The following CRB1 variants were observed in gnomAD, a reference collection of about 807,000 sequenced individuals.
CRB1 encodes the protein crumbs cell polarity complex component 1.
Under a neutral mutation model 120.0 loss-of-function variants are expected in CRB1, and 83 were observed. The ratio of observed to expected loss-of-function variants is 0.69; its 90% confidence interval spans 0.58 to 0.83. The LOEUF is 0.83. Ranked by LOEUF, CRB1 falls within the 40% of genes least tolerant of loss-of-function variation. CRB1 has a pLI of 0.00. For synonymous variants in CRB1, 625 were observed against 612.5 expected (o/e 1.02, Z -0.30); for missense variants, 1,699 against 1,687.6 (o/e 1.01, Z -0.12).
At chr1:197,455,332 A>G (rs966957779) in intron 11 of CRB1, among the ~76,000 whole-genome samples, 5 of 152,002 alleles carry the variant, frequency 3.3e-5, no homozygotes, top group South Asian at 4.1e-4. Context: ...TTAGTTACCA[A>G]TTTTCTTGAA....
intron 5 of CRB1, among the ~76,000 whole-genome samples, chr1:197,371,748 G>A (rs571362330): frequency 6.6e-6 from 1 of 152,220 alleles, no homozygotes; most frequent in African/African-American, 2.4e-5. Context: ...GTACTGCACA[G>A]ACAGATTTTT....
At chr1:197,460,716 T>C (rs1048627889) in intron 11 of CRB1, among the ~76,000 whole-genome samples, 1 of 152,184 alleles carries the variant, frequency 6.6e-6, no homozygotes, top group African/African-American at 2.4e-5. Context: ...ATAATTTTGG[T>C]TTTCTGTTTC....
At chr1:197,310,498 A>G (rs1221192134) in intron 1 of CRB1, among the ~76,000 whole-genome samples, 1 of 152,198 alleles carries the variant, frequency 6.6e-6, no homozygotes, top group Non-Finnish European at 1.5e-5. Context: ...AGATCTGTGT[A>G]ATTAATTAGC....
intron 5 of CRB1, among the ~76,000 whole-genome samples, chr1:197,406,922 T>A (rs942876056): frequency 6.6e-6 from 1 of 152,234 alleles, no homozygotes; most frequent in African/African-American, 2.4e-5. Flanking sequence ...CATTTCACCA[T>A]GAACAAAGTT....
upstream of CRB1, among the ~76,000 whole-genome samples, chr1:197,263,331 T>C (rs1397448797): frequency 6.6e-6 from 1 of 152,236 alleles, no homozygotes; most frequent in African/African-American, 2.4e-5. Flanking sequence ...ATGTCTTCTT[T>C]TGAGAAGTGT....
At chr1:197,424,713 C>T (rs1664497202) in intron 6 of CRB1, among the ~76,000 whole-genome samples, 1 of 152,182 alleles carries the variant, frequency 6.6e-6, no homozygotes, top group Non-Finnish European at 1.5e-5. Flanking sequence ...CCACATAGTC[C>T]TGTTTCTCCC....
chr1:197,301,325 C>T (rs559463663), intron 1 of CRB1, among the ~76,000 whole-genome samples: 8 of 152,074 alleles, frequency 5.3e-5, no homozygotes, highest in Admixed American at 2.6e-4. Context: ...GCCACCATAC[C>T]CGGCTAATTT....
chr1:197,473,508 G>A (rs957639568), intron 11 of CRB1, among the ~76,000 whole-genome samples: 5 of 151,900 alleles, frequency 3.3e-5, no homozygotes, highest in African/African-American at 4.8e-5. Flanking sequence ...TTATTCTGCA[G>A]ATATGGAGTT....
At chr1:197,346,124 A>G (rs931434422) in intron 3 of CRB1, among the ~76,000 whole-genome samples, 31 of 152,274 alleles carry the variant, frequency 2.0e-4, no homozygotes, top group African/African-American at 7.5e-4. Flanking sequence ...GCTATCTTTT[A>G]TTCTCCTCAC....
At chr1:197,309,752 CAAAA>C (rs1657404428) in intron 1 of CRB1, among the ~76,000 whole-genome samples, 1 of 98,232 alleles carries the variant, frequency 1.0e-5, no homozygotes, top group African/African-American at 3.4e-5. Context: ...GACTACATCT[CAAAA>C]TAAATAAATA....
chr1:197,476,977 G>C (rs1667224530), intron 11 of CRB1, among the ~76,000 whole-genome samples: 1 of 152,168 alleles, frequency 6.6e-6, no homozygotes, highest in African/African-American at 2.4e-5. Flanking sequence ...TCAAACCACT[G>C]TGTAAAAATA....
At chr1:197,322,208 C>T (rs1362321227) in intron 1 of CRB1, among the ~76,000 whole-genome samples, 1 of 152,042 alleles carries the variant, frequency 6.6e-6, no homozygotes, top group Non-Finnish European at 1.5e-5. Context: ...TGGCCAGGTA[C>T]GGTGGCTCAT....
At chr1:197,470,689 T>A (rs1272998401) in intron 11 of CRB1, among the ~76,000 whole-genome samples, 2 of 152,250 alleles carry the variant, frequency 1.3e-5, no homozygotes, top group African/African-American at 4.8e-5. Context: ...GCCTAAAATC[T>A]GGTATCCTAA....
At chr1:197,364,368 T>C (rs1018192215) in intron 5 of CRB1, among the ~76,000 whole-genome samples, 4 of 152,252 alleles carry the variant, frequency 2.6e-5, no homozygotes, top group Non-Finnish European at 5.9e-5. Context: ...TGTTAACTTA[T>C]TTGGGTTTAT....
intron 5 of CRB1, among the ~76,000 whole-genome samples, chr1:197,366,926 A>T (rs1661110072): frequency 6.6e-6 from 1 of 152,208 alleles, no homozygotes; most frequent in Non-Finnish European, 1.5e-5. Context: ...TTCAAAAAAA[A>T]ATTTGGCAAA....
intron 5 of CRB1, among the ~76,000 whole-genome samples, chr1:197,374,915 G>A (rs1222285165): frequency 6.6e-6 from 1 of 152,082 alleles, no homozygotes; most frequent in African/African-American, 2.4e-5. Context: ...AGGAGAGCTA[G>A]AAACAACCAA....
the CRB1 span, among the ~76,000 whole-genome samples, chr1:197,214,017 A>G: frequency 6.6e-6 from 1 of 152,166 alleles, no homozygotes; most frequent in African/African-American, 2.4e-5. Context: ...TGGGCTAGCA[A>G]AAGGAAGAAA....
At chr1:197,436,721 A>T (rs1233958234) in intron 9 of CRB1, among the ~76,000 whole-genome samples, 3 of 152,152 alleles carry the variant, frequency 2.0e-5, no homozygotes, top group Non-Finnish European at 2.9e-5. Context: ...AATCATTTGT[A>T]TGGCTCACTA....
chr1:197,435,312 A>C lies in CRB1; in HGVS notation c.3449A>C (p.His1150Pro). ...GTCTGCAACTCCAACCCCTGTTTGC[A>C]TGGAGGAAACTGTGAAGACATCTAT... ...LNVCNSNPCLHGGNCEDIYSS... is the reference protein window; with the variant it reads ...LNVCNSNPCLPGGNCEDIYSS... The change falls in exon 9 of 12, where the codon CAT becomes CCT. Residue 1150 changes from histidine (H) to proline (P), a missense_variant. Coordinates refer to ENST00000367400, the MANE Select transcript of CRB1 (RefSeq NM_201253.3). 1 of 1,613,772 alleles carries C rather than the reference A, an allele frequency of 6.2e-7. No individual in the cohort carries two copies. The highest frequency in any genetic ancestry group is 1.1e-5 in the South Asian group (1 of 91,078).
Sources: gnomAD v4.1 joint callset for allele counts (sites outside exome capture counted in the v4.1 genomes callset) on GRCh38, gnomAD v4.1.1 for gene constraint, MANE v1.5 for transcripts, NCBI Gene and HGNC (gene_info 2026-07-23, HGNC 2026-07-21) for gene names.